The following PTPRT variants were observed in gnomAD, a reference collection of about 807,000 sequenced individuals.
PTPRT encodes the protein protein tyrosine phosphatase receptor type T.
A neutral mutation model predicts 176.8 loss-of-function variants in PTPRT; 56 were observed. The ratio of observed to expected loss-of-function variants is 0.32; its 90% CI spans 0.26 to 0.40. PTPRT has a LOEUF of 0.40. Ranked by LOEUF, PTPRT falls within the 10% of genes least tolerant of loss-of-function variation. The pLI, the probability that PTPRT is intolerant of heterozygous loss-of-function variation, is 1.00. For synonymous variants in PTPRT, 783 were observed against 739.0 expected (o/e 1.06, Z -0.96); for missense variants, 1,540 against 1,908.2 (o/e 0.81, Z 3.60).
chr20:42,426,977 C>T (rs2059170577), intron 9 of PTPRT, among the ~76,000 whole-genome samples: 2 of 152,140 alleles, frequency 1.3e-5, no homozygotes, highest in African/African-American at 4.8e-5. Context: ...AGATTTGCCA[C>T]AGTAGCTGTC....
At chr20:42,486,088 GC>G (rs1161890146) in intron 7 of PTPRT, among the ~76,000 whole-genome samples, 10 of 152,180 alleles carry the variant, frequency 6.6e-5, no homozygotes, top group African/African-American at 2.2e-4. Flanking sequence ...CGAAGTACCT[GC>G]TGGCCTTGTT....
chr20:42,436,584 T>C (rs1050266003), intron 9 of PTPRT, among the ~76,000 whole-genome samples: 1 of 152,226 alleles, frequency 6.6e-6, no homozygotes, highest in African/African-American at 2.4e-5. Flanking sequence ...TTTGCTGGCA[T>C]GAGTGTAAAT....
intron 7 of PTPRT, among the ~76,000 whole-genome samples, chr20:42,670,589 C>A (rs188817762): frequency 6.6e-6 from 1 of 152,214 alleles, no homozygotes; most frequent in Admixed American, 6.5e-5. Context: ...TGCAATCAAC[C>A]CTCAGGTGGA....
chr20:42,973,266 T>C (rs1447549733), intron 1 of PTPRT, among the ~76,000 whole-genome samples: 1 of 152,092 alleles, frequency 6.6e-6, no homozygotes, highest in African/African-American at 2.4e-5. Context: ...TGGGAAAGAC[T>C]GAGGAAGTAG....
At chr20:43,045,455 ATTT>A (rs143406929) in intron 1 of PTPRT, among the ~76,000 whole-genome samples, 7 of 127,212 alleles carry the variant, frequency 5.5e-5, no homozygotes, top group Non-Finnish European at 9.7e-5. Flanking sequence ...TCTTTTTTTC[ATTT>A]TTTTTTTTTT....
intron 27 of PTPRT, among the ~76,000 whole-genome samples, chr20:42,090,486 C>T (rs1480728792): frequency 1.3e-5 from 2 of 152,018 alleles, no homozygotes; most frequent in Non-Finnish European, 2.9e-5. Flanking sequence ...AAAGGCAACT[C>T]AGTGTGTCAC....
chr20:42,329,108 A>C (rs935005724), intron 11 of PTPRT, among the ~76,000 whole-genome samples: 1 of 152,198 alleles, frequency 6.6e-6, no homozygotes, highest in Non-Finnish European at 1.5e-5. Flanking sequence ...CTATGGATGG[A>C]GTCTACATGA....
At position 42,145,386 on chromosome 20, in the gene PTPRT, G is replaced by A. The variant is rs56999601; in HGVS notation, c.2683-3384C>T. On this transcript the variant is annotated intron_variant, in intron 17 of 30. Transcript: ENST00000373187. ...GTGGTGACACATGCCTGTACTCTCA[G>A]CTACTCAGGAAGCTGAGGCAGAAGA... Among the ~76,000 whole-genome samples the A allele has an allele frequency of 4.1e-3, 618 of 152,228 alleles. 3 individuals are homozygous for A. Among genetic ancestry groups the A allele is most frequent in the African/African-American group, 0.014 (582 of 41,538 alleles).
intron 17 of PTPRT, among the ~76,000 whole-genome samples, chr20:42,147,317 G>T (rs1032269270): frequency 3.3e-5 from 5 of 152,154 alleles, no homozygotes; most frequent in African/African-American, 1.2e-4. Context: ...GCCTAGTTGT[G>T]TTCCCATCCA....
At chr20:42,686,786 T>C (rs2075703512) in intron 6 of PTPRT, among the ~76,000 whole-genome samples, 1 of 151,834 alleles carries the variant, frequency 6.6e-6, no homozygotes, top group Non-Finnish European at 1.5e-5. Context: ...GCCACCCTGC[T>C]CAGCCCATAG....
chr20:43,007,700 G>A (rs748538975), intron 1 of PTPRT, among the ~76,000 whole-genome samples: 8 of 152,138 alleles, frequency 5.3e-5, no homozygotes, highest in South Asian at 2.1e-4. Context: ...CACATTGTCC[G>A]GCGACTTCAA....
chr20:42,881,917 G>A (rs2079018429), intron 2 of PTPRT, among the ~76,000 whole-genome samples: 1 of 152,016 alleles, frequency 6.6e-6, no homozygotes, highest in East Asian at 1.9e-4. Context: ...GAGAGGAGAA[G>A]AAAAGGGGCC....
At chr20:42,936,463 A>G (rs1373637307) in intron 1 of PTPRT, among the ~76,000 whole-genome samples, 1 of 152,216 alleles carries the variant, frequency 6.6e-6, no homozygotes, top group African/African-American at 2.4e-5. Context: ...CCTCATAAGC[A>G]TTTGTAAGGA....
intron 13 of PTPRT, among the ~76,000 whole-genome samples, chr20:42,259,249 C>T (rs532221068): frequency 5.9e-5 from 9 of 152,248 alleles, no homozygotes; most frequent in East Asian, 1.9e-4. Flanking sequence ...CCAGGAAAGA[C>T]GGCTAAATGA....
chr20:42,855,019 T>C (rs933407922), intron 2 of PTPRT, among the ~76,000 whole-genome samples: 3 of 152,218 alleles, frequency 2.0e-5, no homozygotes, highest in Admixed American at 1.3e-4. Flanking sequence ...AGGGGAGACC[T>C]GGCAGCATCG....
At chr20:42,041,045 C>T in the PTPRT span, among the ~76,000 whole-genome samples, 40 of 152,324 alleles carry the variant, frequency 2.6e-4, no homozygotes, top group African/African-American at 8.4e-4. Context: ...TCTGCGTGTG[C>T]TCACATAGGA....
At chr20:42,567,665 C>T (rs1052709641) in intron 7 of PTPRT, among the ~76,000 whole-genome samples, 16 of 152,206 alleles carry the variant, frequency 1.1e-4, no homozygotes, top group Non-Finnish European at 1.9e-4. Context: ...CCAGCCTCAC[C>T]TATTTGTTGT....
chr20:42,300,556 C>T lies in PTPRT; in HGVS notation c.2139+15167G>A, dbSNP rs149586668. 2.8e-3 allele frequency among the ~76,000 whole-genome samples: 420 copies of T among 151,802 alleles called. 3 individuals carry two copies. The highest frequency in any genetic ancestry group is 8.3e-3 in the African/African-American group (346 of 41,466). On this transcript the variant is annotated intron_variant, in intron 12 of 30. Coordinates refer to ENST00000373187, the MANE Select transcript of PTPRT (RefSeq NM_007050.6). The stretch of plus-strand genomic sequence containing the variant: ...CTAGCTAATTCTGGGACAATTTGAG[C>T]ATAAAAGTAAATGATGATAGTACTG...
chr20:43,059,623 A>G (rs1600681876), intron 1 of PTPRT, among the ~76,000 whole-genome samples: 2 of 152,170 alleles, frequency 1.3e-5, no homozygotes, highest in Admixed American at 1.3e-4. Flanking sequence ...TTCTCTCAGG[A>G]GGTGGAGGCT....
Sources: gnomAD v4.1 joint callset for allele counts (sites outside exome capture counted in the v4.1 genomes callset) on GRCh38, gnomAD v4.1.1 for gene constraint, MANE v1.5 for transcripts, NCBI Gene and HGNC (gene_info 2026-07-23, HGNC 2026-07-21) for gene names.